Variants in ROBO2 observed in about 807,000 individuals in gnomAD.
The protein encoded by ROBO2 is roundabout homolog 2.
A neutral mutation model predicts 160.8 loss-of-function variants in ROBO2; 53 were observed. That is an observed-to-expected ratio of 0.33 (90% CI 0.26 to 0.41). The LOEUF (loss-of-function observed/expected upper bound fraction) is 0.41. Ranked by LOEUF, ROBO2 falls within the 10% of genes least tolerant of loss-of-function variation. ROBO2 has a pLI of 1.00. For synonymous variants in ROBO2, 664 were observed against 611.7 expected (o/e 1.09, Z -1.26); for missense variants, 1,577 against 1,722.4 (o/e 0.92, Z 1.49).
At chr3:76,685,965 C>T (rs1047045973) in intron 2 of ROBO2, among the ~76,000 whole-genome samples, 13 of 152,062 alleles carry the variant, frequency 8.5e-5, no homozygotes, top group African/African-American at 3.1e-4. Flanking sequence ...AAAACATGGC[C>T]TTGAGAGCAT....
At chr3:75,996,964 A>G (rs1363342792) in intron 2 of ROBO2, among the ~76,000 whole-genome samples, 1 of 152,196 alleles carries the variant, frequency 6.6e-6, no homozygotes, top group African/African-American at 2.4e-5. Context: ...TTAGGATACT[A>G]TTTCATGATC....
chr3:77,506,177 C>G (rs1384195104), intron 5 of ROBO2, among the ~76,000 whole-genome samples: 2 of 152,132 alleles, frequency 1.3e-5, no homozygotes, highest in African/African-American at 4.8e-5. Flanking sequence ...ATGTGTTAGT[C>G]AATGGCTGGT....
intron 2 of ROBO2, among the ~76,000 whole-genome samples, chr3:77,444,305 C>A (rs532247737): frequency 4.7e-4 from 72 of 152,196 alleles, no homozygotes; most frequent in Non-Finnish European, 9.1e-4. Flanking sequence ...AACTTTTTAT[C>A]GTGCCTGATA....
chr3:77,063,654 CT>C (rs1304302517), intron 1 of ROBO2, among the ~76,000 whole-genome samples: 2 of 152,198 alleles, frequency 1.3e-5, no homozygotes, highest in African/African-American at 4.8e-5. Flanking sequence ...GCTCTTTGCT[CT>C]TAACTTGATA....
chr3:76,950,577 G>A (rs2078895796), intron 2 of ROBO2, among the ~76,000 whole-genome samples: 1 of 152,080 alleles, frequency 6.6e-6, no homozygotes, highest in Non-Finnish European at 1.5e-5. Context: ...GCCATGAAGG[G>A]TTCTAAACAG....
chr3:76,954,298 C>T (rs2079120724), intron 2 of ROBO2, among the ~76,000 whole-genome samples: 1 of 152,068 alleles, frequency 6.6e-6, no homozygotes, highest in Non-Finnish European at 1.5e-5. Flanking sequence ...AAACTTCTGC[C>T]AATATTTTAG....
chr3:76,719,300 A>G (rs572237855), intron 2 of ROBO2, among the ~76,000 whole-genome samples: 1 of 152,310 alleles, frequency 6.6e-6, no homozygotes, highest in African/African-American at 2.4e-5. Context: ...AATTATGTAG[A>G]CATCATAACA....
chr3:76,567,761 GTC>G (rs1204078646), intron 2 of ROBO2, among the ~76,000 whole-genome samples: 8 of 63,168 alleles, frequency 1.3e-4, no homozygotes, highest in Non-Finnish European at 1.7e-4. Flanking sequence ...ATATATATCT[GTC>G]TGTGTGTGTG....
chr3:76,810,790 C>G (rs1029794875), intron 2 of ROBO2, among the ~76,000 whole-genome samples: 9 of 151,970 alleles, frequency 5.9e-5, no homozygotes, highest in Admixed American at 5.9e-4. Flanking sequence ...TTTAAAATTC[C>G]ATTTGTAAGT....
intron 2 of ROBO2, among the ~76,000 whole-genome samples, chr3:76,342,316 A>C (rs2074275606): frequency 6.6e-6 from 1 of 152,122 alleles, no homozygotes; most frequent in Non-Finnish European, 1.5e-5. Flanking sequence ...CGTGACTCTC[A>C]GGTGAGAGAC....
chr3:76,535,405 A>C (rs991021512), intron 2 of ROBO2, among the ~76,000 whole-genome samples: 1 of 151,986 alleles, frequency 6.6e-6, no homozygotes, highest in African/African-American at 2.4e-5. Context: ...ACTGGCGTTG[A>C]GTGGGGTAAG....
At chr3:76,926,895 C>T (rs539144113) in intron 2 of ROBO2, among the ~76,000 whole-genome samples, 1 of 151,952 alleles carries the variant, frequency 6.6e-6, no homozygotes, top group East Asian at 1.9e-4. Context: ...GAAGAGGACT[C>T]CGTTTTTTTT....
At chr3:77,258,636 A>G (rs2058579864) in intron 2 of ROBO2, among the ~76,000 whole-genome samples, 1 of 108,860 alleles carries the variant, frequency 9.2e-6, no homozygotes, top group Non-Finnish European at 2.3e-5. Flanking sequence ...AAAAAAAAAA[A>G]GGAAGAAAAA....
chr3:76,728,240 G>A (rs1462486829), intron 2 of ROBO2, among the ~76,000 whole-genome samples: 1 of 152,012 alleles, frequency 6.6e-6, no homozygotes, highest in Non-Finnish European at 1.5e-5. Flanking sequence ...GTGCCCCCTT[G>A]TTTTCCCCTA....
intron 23 of ROBO2, chr3:77,634,536 C>T: frequency 3.6e-6 from 1 of 280,448 alleles, no homozygotes; most frequent in Non-Finnish European, 7.0e-6. Flanking sequence ...CATGAATTTG[C>T]ATATATCTTT....
At chr3:76,998,127 G>A (rs532113565) in intron 2 of ROBO2, among the ~76,000 whole-genome samples, 1 of 152,228 alleles carries the variant, frequency 6.6e-6, no homozygotes, top group African/African-American at 2.4e-5. Context: ...ATTCTACAAT[G>A]TTCTGTGGTC....
At chr3:76,346,897 C>T (rs2074565566) in intron 2 of ROBO2, among the ~76,000 whole-genome samples, 3 of 152,032 alleles carry the variant, frequency 2.0e-5, no homozygotes. Flanking sequence ...CACTTTGCAT[C>T]AATTGAGAAT....
intron 2 of ROBO2, among the ~76,000 whole-genome samples, chr3:75,972,249 A>G (rs2107368284): frequency 6.6e-6 from 1 of 151,808 alleles, no homozygotes; most frequent in Non-Finnish European, 1.5e-5. Flanking sequence ...GATCAATAAA[A>G]TCAAAATGTG....
chr3:76,306,124 T>C (rs1348748079), intron 2 of ROBO2, among the ~76,000 whole-genome samples: 1 of 152,222 alleles, frequency 6.6e-6, no homozygotes, highest in African/African-American at 2.4e-5. Context: ...GAGAGCCTGC[T>C]AGGTACCTAG....
Sources: gnomAD v4.1 joint callset for allele counts (sites outside exome capture counted in the v4.1 genomes callset) on GRCh38, gnomAD v4.1.1 for gene constraint, MANE v1.5 for transcripts, NCBI Gene and HGNC (gene_info 2026-07-23, HGNC 2026-07-21) for gene names.